The following ATP5PF variants were observed in gnomAD, a reference collection of about 807,000 sequenced individuals.
ATP5PF encodes the protein ATP synthase peripheral stalk subunit F6.
ATP5PF carries 7 observed loss-of-function variants against 12.0 expected under a neutral mutation model. That is an observed-to-expected ratio of 0.58 (90% CI 0.33 to 1.10). The LOEUF is 1.10. Ranked by LOEUF, ATP5PF falls within the 50% of genes least tolerant of loss-of-function variation. The pLI is 0.03. For missense variants in ATP5PF, 120 were observed against 127.7 expected (o/e 0.94, Z 0.29); for synonymous variants, 41 against 45.4 (o/e 0.90, Z 0.39).
chr21:25,729,913 T>G, intron 1 of ATP5PF, 112 bp from the exon 2 acceptor site: 1 of 1,253,164 alleles, frequency 8.0e-7, no homozygotes, highest in Non-Finnish European at 1.1e-6. Context: ...TCATATCAGA[T>G]CTCAGTCTAT....
In ATP5PF at chr21:25,724,524, G is replaced by T; in HGVS notation, c.*116C>A. The T allele has an allele frequency of 8.6e-7, 1 of 1,162,632 alleles. No homozygotes were observed. Among genetic ancestry groups the T allele is most frequent in the Non-Finnish European group, 1.2e-6 (1 of 810,922 alleles). 72.0% of individuals were successfully genotyped at this position (1,162,632 alleles called of 1,614,324 possible). ...CTCAACATCACCAAATAATTTATTT[G>T]GACTCAGAATTAAAAGAACATTTGA... On this transcript the variant is annotated 3_prime_UTR_variant, in exon 4 of 4. Coordinates refer to ENST00000284971, the MANE Select transcript of ATP5PF (RefSeq NM_001003703.2).
chr21:25,735,089 C>T (rs1329432189), upstream of ATP5PF: 1 of 839,666 alleles, frequency 1.2e-6, no homozygotes, highest in Non-Finnish European at 2.0e-6. Flanking sequence ...TTCCGGGTCC[C>T]CTGGCACAGC....
At chr21:25,732,099 T>C (rs554372333) in intron 1 of ATP5PF, among the ~76,000 whole-genome samples, 63 of 152,102 alleles carry the variant, frequency 4.1e-4, no homozygotes, top group Non-Finnish European at 8.8e-4. Context: ...ACAATAGTTC[T>C]CAAAATAGGG....
At chr21:25,734,609 C>G in intron 1 of ATP5PF, 1 of 434,708 alleles carries the variant, frequency 2.3e-6, no homozygotes, top group Non-Finnish European at 3.8e-6. Context: ...CCGGGCCTCC[C>G]TGCCCCCCGC....
chr21:25,735,251 A>G (rs1430394551), upstream of ATP5PF: 3 of 543,096 alleles, frequency 5.5e-6, no homozygotes, highest in Non-Finnish European at 1.0e-5. Flanking sequence ...CGAAGTGTAT[A>G]AAGGTGCAGG....
At chr21:25,727,952 T>C (rs1387516227) in intron 2 of ATP5PF, among the ~76,000 whole-genome samples, 2 of 152,180 alleles carry the variant, frequency 1.3e-5, no homozygotes, top group Non-Finnish European at 2.9e-5. Context: ...CCTTCACTAT[T>C]TCTCCTCCTC....
intron 2 of ATP5PF, among the ~76,000 whole-genome samples, 153 bp downstream of exon 2, chr21:25,729,478 T>C (rs2034699907): frequency 6.6e-6 from 1 of 152,218 alleles, no homozygotes; most frequent in African/African-American, 2.4e-5. Flanking sequence ...AAGATCCTTA[T>C]CTTCTTTTTT....
upstream of ATP5PF, chr21:25,735,023 G>C (rs1004030356): frequency 5.9e-6 from 9 of 1,513,466 alleles, no homozygotes; most frequent in East Asian, 4.9e-5. Flanking sequence ...GTCTGCGACC[G>C]GACGGGTCTA....
Position 25,724,669 on chromosome 21 carries a change from A to G in ATP5PF, c.298T>C (p.Phe100Leu), listed in dbSNP as rs2034569737. ...FPTFKFEDPK[F>L]EVIEKPQA ...GCCTGGGGTTTTTCGATGACTTCAA[A>G]TTTGGGATCTAAGAAGAGGGGGAAA... is the stretch of plus-strand genomic sequence containing the variant. The change falls in exon 4 of 4, where the codon TTT becomes CTT. Residue 100 changes from phenylalanine to leucine, a missense_variant. Transcript: ENST00000284971. 1 of 1,597,224 alleles carries G rather than the reference A, an allele frequency of 6.3e-7. No individual in the cohort carries two copies. The highest frequency in any genetic ancestry group is 1.4e-5 in the African/African-American group (1 of 73,520).
Position 25,730,736 on chromosome 21 carries a change from C to CACAAAAAAAAAAAAA in ATP5PF, c.-7-936_-7-935insTTTTTTTTTTTTTGT, listed in dbSNP as rs1219090743. Among the ~76,000 whole-genome samples the CACAAAAAAAAAAAAA allele has an allele frequency of 9.4e-4, 30 of 31,896 alleles. 3 individuals are homozygous for CACAAAAAAAAAAAAA. Among genetic ancestry groups the CACAAAAAAAAAAAAA allele is most frequent in the Non-Finnish European group, 1.8e-3 (26 of 14,384 alleles). The allele number at this position is 31,896 out of a possible 152,430, so 20.9% of individuals were successfully genotyped here. ...GCAACAAGAGCAAGACTCCGTCTCACAAAAAAAAAAAAAAAAAAAAAAAAA... is the reference window on the plus strand; with the variant it reads ...GCAACAAGAGCAAGACTCCGTCTCACACAAAAAAAAAAAAAAAAAAAAAAAAAAAAAAAAAAAAAA... On this transcript the variant is annotated intron_variant, in intron 1 of 3. Coordinates refer to ENST00000284971, the MANE Select transcript of ATP5PF (RefSeq NM_001003703.2).
At chr21:25,733,972 A>C (rs563118928) in intron 1 of ATP5PF, among the ~76,000 whole-genome samples, 1 of 152,280 alleles carries the variant, frequency 6.6e-6, no homozygotes, top group African/African-American at 2.4e-5. Context: ...CTGAGCCCCA[A>C]ATCTATCCAC....
chr21:25,725,438 C>A, intron 2 of ATP5PF, 88 bp from the exon 3 acceptor site: 1 of 1,033,218 alleles, frequency 9.7e-7, no homozygotes, highest in Non-Finnish European at 1.3e-6. Context: ...TCCAACAGAT[C>A]TTTTTTTTTT....
rs2034957862 is a variant in ATP5PF at position 25,734,825 on chromosome 21, A to T, written c.-8+28T>A. On this transcript the variant is annotated intron_variant, in intron 1 of 3. Coordinates refer to ENST00000284971, the MANE Select transcript of ATP5PF (RefSeq NM_001003703.2). ...CCCAGAACTGGAGTCCCAAAAGGCC[A>T]CGCTGATCTAGCTACCCTCCCAGTC... The T allele has an allele frequency of 2.0e-6, 3 of 1,528,540 alleles. No homozygotes were observed. The South Asian group carries it at 3.6e-5, about 18-fold the overall frequency. 94.7% of individuals were successfully genotyped at this position (1,528,540 alleles called of 1,614,324 possible).
intron 1 of ATP5PF, among the ~76,000 whole-genome samples, chr21:25,731,045 C>A (rs2034761835): frequency 6.6e-6 from 1 of 152,026 alleles, no homozygotes; most frequent in Non-Finnish European, 1.5e-5. Flanking sequence ...GGTTCGAGAC[C>A]AGCCTGCCCA....
chr21:25,725,187 A>T (rs376918531), intron 3 of ATP5PF, 39 bp downstream of exon 3: 95 of 1,581,172 alleles, frequency 6.0e-5, no homozygotes, highest in Non-Finnish European at 8.1e-5. Context: ...TTCTTCACTT[A>T]TCCCCCACAA....
chr21:25,725,125 C>T, intron 3 of ATP5PF, 101 bp downstream of exon 3: 1 of 1,452,244 alleles, frequency 6.9e-7, no homozygotes. Context: ...CTAATAAATT[C>T]ACATGTCAAC....
chr21:25,726,020 C>T (rs548420081), intron 2 of ATP5PF, among the ~76,000 whole-genome samples: 1 of 152,300 alleles, frequency 6.6e-6, no homozygotes, highest in East Asian at 1.9e-4. Context: ...TATTCAGCAA[C>T]TGCGTAAACC....
chr21:25,734,023 C>T (rs560036465), intron 1 of ATP5PF, among the ~76,000 whole-genome samples: 3 of 152,346 alleles, frequency 2.0e-5, no homozygotes, highest in Non-Finnish European at 4.4e-5. Context: ...GTCCTACGAA[C>T]TCATCCAAAA....
At chr21:25,735,134 TC>T, upstream of ATP5PF, 1 of 684,564 alleles carries the variant, frequency 1.5e-6, no homozygotes. Flanking sequence ...TTTGACCCGT[TC>T]TTTTTCCCCT....
Sources: gnomAD v4.1 joint callset for allele counts (sites outside exome capture counted in the v4.1 genomes callset) on GRCh38, gnomAD v4.1.1 for gene constraint, MANE v1.5 for transcripts, NCBI Gene and HGNC (gene_info 2026-07-23, HGNC 2026-07-21) for gene names.